Variants in GAA observed in about 807,000 individuals in gnomAD.
The protein encoded by GAA is alpha glucosidase.
Under a neutral mutation model 103.9 loss-of-function variants are expected in GAA, and 88 were observed. The ratio of observed to expected loss-of-function variants is 0.85; its 90% CI spans 0.71 to 1.01. The LOEUF (loss-of-function observed/expected upper bound fraction) is 1.01, where lower values mean the gene tolerates loss of function less well. Ranked by LOEUF, GAA falls within the 50% of genes least tolerant of loss-of-function variation. The pLI, the probability that GAA is intolerant of heterozygous loss-of-function variation, is 0.00. For missense variants in GAA, 1,350 were observed against 1,305.3 expected (o/e 1.03, Z -0.53); for synonymous variants, 572 against 563.1 (o/e 1.02, Z -0.22).
At position 80,104,634 on chromosome 17, in the gene GAA, C is replaced by T. The variant is rs202168804; in HGVS notation, c.48C>T (p.Cys16=). The change falls in exon 2 of 20, where the codon TGC becomes TGT. Residue 16 remains cysteine, a synonymous_variant. Transcript: ENST00000302262. This position sits in a 1 kb window ranked among gnomAD's most constrained non-coding sequence, Gnocchi z 4.0. ...PPCSHRLLAV[C]ALVSLATAAL... ...GCTCCCACCGGCTCCTGGCCGTCTG[C>T]GCCCTCGTGTCCTTGGCAACCGCTG... The T allele has an allele frequency of 7.4e-6, 12 of 1,613,014 alleles. No individual in the cohort carries two copies. Among genetic ancestry groups the T allele is most frequent in the East Asian group, 2.2e-5 (1 of 44,874 alleles).
At chr17:80,107,948 G>A in intron 5 of GAA, 52 bp downstream of exon 5, 2 of 1,525,064 alleles carry the variant, frequency 1.3e-6, no homozygotes, top group Non-Finnish European at 8.9e-7. Context: ...CGTGCTGCCT[G>A]CCCTGGAGAC....
rs1441998538 is a variant in GAA at position 80,104,262 on chromosome 17, T to C, written c.-32-293T>C. ...CCAGGCGACAGCTGTTTGGCCTGTT[T>C]CAAGTGTCTACCTGCCTTGCTGGTC... is the stretch of plus-strand genomic sequence containing the variant. On this transcript the variant is annotated intron_variant, in intron 1 of 19. Transcript: ENST00000302262. The surrounding 1 kb of genome is among the most constrained non-coding windows in gnomAD (Gnocchi z 4.0). Among the ~76,000 whole-genome samples, 7 of 152,174 alleles carry C rather than the reference T, an allele frequency of 4.6e-5. No individual in the cohort carries two copies. Among genetic ancestry groups the C allele is most frequent in the Non-Finnish European group, 8.8e-5 (6 of 68,030 alleles).
At chr17:80,119,011 A>G (rs574582141) in intron 19 of GAA, among the ~76,000 whole-genome samples, 40 of 152,306 alleles carry the variant, frequency 2.6e-4, no homozygotes, top group African/African-American at 7.5e-4. Context: ...TGGGGCCACA[A>G]TGACGACCTC....
Position 80,104,471 on chromosome 17 carries a change from G to T in GAA, c.-32-84G>T. ...GCCTGGGTGCTGCAGTGCCAGCCGCGGTTGATGTCTCAGAGCTGCTTTGAG... is the reference window on the plus strand; with the variant it reads ...GCCTGGGTGCTGCAGTGCCAGCCGCTGTTGATGTCTCAGAGCTGCTTTGAG... On this transcript the variant is annotated intron_variant, in intron 1 of 19. Coordinates refer to ENST00000302262, the MANE Select transcript of GAA (RefSeq NM_000152.5). This position sits in a 1 kb window ranked among gnomAD's most constrained non-coding sequence, Gnocchi z 4.0. The T allele has an allele frequency of 9.9e-7, 1 of 1,012,714 alleles. No homozygotes were observed. 62.7% of individuals were successfully genotyped at this position (1,012,714 alleles called of 1,614,324 possible). A position where few individuals can be genotyped will look rare whatever the true frequency, so the allele number is the denominator to read the frequency against.
chr17:80,106,585 C>T lies in GAA; in HGVS notation c.692+691C>T, dbSNP rs375915781. 4.6e-5 allele frequency among the ~76,000 whole-genome samples: 7 copies of T among 152,286 alleles called. No homozygotes were observed. The East Asian group carries it at 1.4e-3, about 29-fold the overall frequency. On this transcript the variant is annotated intron_variant, in intron 3 of 19. Transcript: ENST00000302262. ...AGGGGACAGGGGTGGCCTCTCTGAGCTGACCTCTGAGTAGAGAGACCCAAG... is the reference window on the plus strand; with the variant it reads ...AGGGGACAGGGGTGGCCTCTCTGAGTTGACCTCTGAGTAGAGAGACCCAAG...
intron 15 of GAA, among the ~76,000 whole-genome samples, chr17:80,114,828 A>G (rs2039327816): frequency 6.6e-6 from 1 of 152,220 alleles, no homozygotes; most frequent in Non-Finnish European, 1.5e-5. Context: ...CAGTTCTGCT[A>G]GTGATGAATT....
intron 15 of GAA, among the ~76,000 whole-genome samples, chr17:80,115,825 G>A (rs1036617715): frequency 2.0e-4 from 30 of 152,154 alleles, no homozygotes; most frequent in African/African-American, 6.8e-4. Context: ...GACTAGCTTA[G>A]TGGACAGCCA....
chr17:80,105,194 C>A (rs2039052017), intron 2 of GAA, 62 bp downstream of exon 2: 3 of 1,468,962 alleles, frequency 2.0e-6, no homozygotes, highest in East Asian at 4.6e-5. Context: ...CATCGACACC[C>A]ACGCACCTCA....
At chr17:80,118,142 C>T (rs1264608588) in intron 17 of GAA, 51 bp from the exon 18 acceptor site, 4 of 1,596,016 alleles carry the variant, frequency 2.5e-6, no homozygotes, top group South Asian at 2.2e-5. Context: ...CTGGAGGCCT[C>T]CACCTCCACC....
intron 19 of GAA, 52 bp from the exon 20 acceptor site, chr17:80,119,220 C>A: frequency 1.3e-6 from 2 of 1,564,540 alleles, no homozygotes; most frequent in Non-Finnish European, 1.8e-6. Context: ...GCGCTGGGGT[C>A]TCACTGCTGC....
intron 1 of GAA, among the ~76,000 whole-genome samples, chr17:80,103,625 G>A (rs1031594524): frequency 5.9e-5 from 9 of 152,164 alleles, no homozygotes; most frequent in African/African-American, 2.2e-4. Context: ...AATAATGAAA[G>A]CGAACCCCCA....
In GAA at chr17:80,105,922, A is replaced by G. The variant is rs960631937; in HGVS notation, c.692+28A>G. 5.1e-6 allele frequency: 8 copies of G among 1,572,750 alleles called. No individual in the cohort carries two copies. The African/African-American group carries it at 1.1e-4, about 21-fold the overall frequency. On this transcript the variant is annotated intron_variant, in intron 3 of 19. Transcript: ENST00000302262. The stretch of plus-strand genomic sequence containing the variant: ...GAGTTCTGGGCTCTGTGCCAGCATG[A>G]TGGGGAGGGCGACGCGCATTTCTCA...
At chr17:80,105,601 G>C in intron 2 of GAA, 148 bp from the exon 3 acceptor site, 1 of 923,468 alleles carries the variant, frequency 1.1e-6, no homozygotes, top group African/African-American at 1.6e-5. Flanking sequence ...AGATGAGGGA[G>C]CCGAGGCTCA....
At chr17:80,111,835 G>C in intron 11 of GAA, 148 bp from the exon 12 acceptor site, 1 of 657,378 alleles carries the variant, frequency 1.5e-6, no homozygotes, top group Admixed American at 2.2e-5. Flanking sequence ...CCCCACAGAG[G>C]CGTGGGGAGC....
In GAA at chr17:80,104,916, C is replaced by T; in HGVS notation, c.330C>T (p.Tyr110=). ...QEQCEARGCC[Y]IPAKQGLQGA... is the part of the protein sequence containing the mutation. ...AGTGCGAGGCCCGCGGCTGTTGCTA[C>T]ATCCCTGCAAAGCAGGGGCTGCAGG... is the stretch of plus-strand genomic sequence containing the variant. The change falls in exon 2 of 20, where the codon TAC becomes TAT. Residue 110 remains tyrosine (Y), a synonymous_variant. Transcript: ENST00000302262. This position sits in a 1 kb window ranked among gnomAD's most constrained non-coding sequence, Gnocchi z 4.0. 1 of 1,612,404 alleles carries T rather than the reference C, an allele frequency of 6.2e-7. No homozygotes were observed. Among genetic ancestry groups the T allele is most frequent in the South Asian group, 1.1e-5 (1 of 91,024 alleles).
rs1424116613 is a variant in GAA, at chr17:80,104,602, C to T, written c.16C>T (p.Pro6Ser). Reference protein sequence around the residue: MGVRHPPCSHRLLAVC... With the variant: MGVRHSPCSHRLLAVC... ...ATCTCCAACCATGGGAGTGAGGCAC[C>T]CGCCCTGCTCCCACCGGCTCCTGGC... Residue 6 changes from proline to serine, a missense_variant, in exon 2 of 20, where the codon CCG becomes TCG. Physicochemically the swap from Pro to Ser is moderately conservative, Grantham distance 74 (BLOSUM62 -1). Transcript: ENST00000302262. The surrounding 1 kb of genome is among the most constrained non-coding windows in gnomAD (Gnocchi z 4.0). 6.2e-7 allele frequency: 1 copy of T among 1,611,388 alleles called. No homozygotes were observed. Among genetic ancestry groups the T allele is most frequent in the Non-Finnish European group, 8.5e-7 (1 of 1,179,310 alleles).
intron 13 of GAA, 31 bp from the exon 14 acceptor site, chr17:80,112,845 C>A (rs772836187): frequency 1.3e-6 from 2 of 1,598,958 alleles, no homozygotes; most frequent in South Asian, 2.3e-5. Flanking sequence ...GCTGCAGCAG[C>A]CTGAGGACCA....
rs568413681 is a variant in GAA at position 80,105,687 on chromosome 17, G to A, written c.547-62G>A. 6.7e-5 allele frequency: 107 copies of A among 1,593,184 alleles called. 1 individual carries two copies. The highest frequency in any genetic ancestry group is 3.1e-4 in the African/African-American group (23 of 74,832). ...AGGACCTGACCTGTCCTTGGCGTGC[G>A]GGTTGTTCTCTGGAGAGTAAGGTGG... is the stretch of plus-strand genomic sequence containing the variant. On this transcript the variant is annotated intron_variant, in intron 2 of 19. Transcript: ENST00000302262.
Position 80,112,081 on chromosome 17 carries a change from G to A in GAA, c.1735G>A (p.Glu579Lys), listed in dbSNP as rs991082382. The A allele has an allele frequency of 5.0e-6, 8 of 1,613,808 alleles. No individual in the cohort carries two copies. The highest frequency in any genetic ancestry group is 1.3e-5 in the African/African-American group (1 of 74,924). ...YNLHNLYGLTEAIASHRALVK... is the reference protein window; with the variant it reads ...YNLHNLYGLTKAIASHRALVK... ...CCTGCACAACCTCTACGGCCTGACC[G>A]AAGCCATCGCCTCCCACAGGTGAGG... Residue 579 changes from glutamate (E) to lysine (K), a missense_variant, in exon 12 of 20, where the codon GAA (glutamate) becomes AAA (lysine). Glu to Lys is a moderately conservative substitution (Grantham distance 56). Coordinates refer to ENST00000302262, the MANE Select transcript of GAA (RefSeq NM_000152.5).
Sources: allele counts gnomAD v4.1 joint callset (sites outside exome capture counted in the v4.1 genomes callset), GRCh38; gene constraint gnomAD v4.1.1; non-coding constraint Gnocchi (gnomAD v3.1); transcripts MANE v1.5; gene names NCBI Gene and HGNC (gene_info 2026-07-23, HGNC 2026-07-21).